The following RPS6KA5 variants were observed in gnomAD, a reference collection of about 807,000 sequenced individuals.
RPS6KA5 encodes the protein ribosomal protein S6 kinase A5.
A neutral mutation model predicts 85.5 loss-of-function variants in RPS6KA5; 27 were observed. The ratio of observed to expected loss-of-function variants is 0.32; its 90% CI spans 0.23 to 0.44. The LOEUF is 0.44. Among genes scored for constraint, RPS6KA5 ranks in the 20% least tolerant of loss-of-function variants. The pLI is 1.00. For synonymous variants in RPS6KA5, 334 were observed against 348.2 expected (o/e 0.96, Z 0.46); for missense variants, 811 against 980.9 (o/e 0.83, Z 2.31).
chr14:90,894,506 A>C lies in RPS6KA5; in HGVS notation c.1551T>G (p.Ser517Arg). Residue 517 changes from serine to arginine, a missense_variant, in exon 13 of 17, where the codon AGT (serine) becomes AGG (arginine). By Grantham distance (110) the Ser-to-Arg change is moderately radical. Transcript: ENST00000614987. The stretch of plus-strand genomic sequence containing the variant: ...TCATGATGTAGCTGGCTTCCGTCTC[A>C]CTGAAGTGCTTCTTTTTCTTAATGC... ...FERIKKKKHF[S>R]ETEASYIMRK... is the part of the protein sequence containing the mutation. 1 of 1,614,174 alleles carries C rather than the reference A, an allele frequency of 6.2e-7. No homozygotes were observed. Among genetic ancestry groups the C allele is most frequent in the Non-Finnish European group, 8.5e-7 (1 of 1,180,032 alleles).
At chr14:90,882,033 T>C (rs1333936610) in intron 14 of RPS6KA5, among the ~76,000 whole-genome samples, 2 of 152,252 alleles carry the variant, frequency 1.3e-5, no homozygotes, top group Non-Finnish European at 1.5e-5. Context: ...GTGTTTTCTA[T>C]ATGCTTGATA....
intron 1 of RPS6KA5, among the ~76,000 whole-genome samples, chr14:91,049,021 T>C (rs2042969739): frequency 6.6e-6 from 1 of 152,200 alleles, no homozygotes; most frequent in African/African-American, 2.4e-5. Context: ...GATACAGTAT[T>C]AGACTTAACA....
chr14:91,044,378 AAAGAAAGAAAGAAG>A, intron 1 of RPS6KA5, among the ~76,000 whole-genome samples: 1 of 16,876 alleles, frequency 5.9e-5, no homozygotes, highest in South Asian at 2.5e-3. Context: ...AGAAAGAAGG[AAAGAAAGAAAGAAG>A]GAAAGAAAGA....
At chr14:90,881,161 T>C (rs1250052135) in intron 14 of RPS6KA5, among the ~76,000 whole-genome samples, 1 of 151,780 alleles carries the variant, frequency 6.6e-6, no homozygotes, top group Non-Finnish European at 1.5e-5. Flanking sequence ...ATTTAAAGTC[T>C]ATTTTGTGGC....
At chr14:90,969,183 A>T (rs963789151) in intron 3 of RPS6KA5, among the ~76,000 whole-genome samples, 2 of 152,228 alleles carry the variant, frequency 1.3e-5, no homozygotes, top group Admixed American at 6.5e-5. Context: ...TTTGAACTGA[A>T]GATCTCTACA....
chr14:90,983,883 C>T (rs549320599), intron 2 of RPS6KA5, among the ~76,000 whole-genome samples: 9 of 151,012 alleles, frequency 6.0e-5, no homozygotes, highest in African/African-American at 2.0e-4. Context: ...CTTGCTCTGT[C>T]GCCCAGACCG....
intron 5 of RPS6KA5, among the ~76,000 whole-genome samples, chr14:90,934,631 C>T (rs2037165348): frequency 6.6e-6 from 1 of 152,118 alleles, no homozygotes; most frequent in Non-Finnish European, 1.5e-5. Context: ...CCTGCTTGTT[C>T]TGTGTTGTTA....
intron 8 of RPS6KA5, among the ~76,000 whole-genome samples, chr14:90,904,569 C>T (rs975978336): frequency 1.3e-5 from 2 of 152,216 alleles, no homozygotes; most frequent in Non-Finnish European, 1.5e-5. Flanking sequence ...ATTATAAGCA[C>T]ATAACTTGTG....
intron 14 of RPS6KA5, among the ~76,000 whole-genome samples, chr14:90,886,595 G>A (rs2140180469): frequency 6.6e-6 from 1 of 152,334 alleles, no homozygotes; most frequent in East Asian, 1.9e-4. Flanking sequence ...AGGAAAGGCT[G>A]TGTGCGGACA....
chr14:90,986,797 C>A (rs1017381757), intron 2 of RPS6KA5, among the ~76,000 whole-genome samples: 3 of 152,204 alleles, frequency 2.0e-5, no homozygotes, highest in Non-Finnish European at 2.9e-5. Context: ...GAAAGGCCTG[C>A]CTCTTTGCTC....
intron 2 of RPS6KA5, among the ~76,000 whole-genome samples, chr14:90,991,855 A>G (rs2040324053): frequency 6.6e-6 from 1 of 152,194 alleles, no homozygotes; most frequent in South Asian, 2.1e-4. Context: ...AAGAGAAGCA[A>G]GTCAATCTGA....
At position 90,978,369 on chromosome 14, in the gene RPS6KA5, A is replaced by T; in HGVS notation, c.331T>A (p.Ser111Thr). The T allele has an allele frequency of 6.2e-7, 1 of 1,613,126 alleles. No individual in the cohort carries two copies. Among genetic ancestry groups the T allele is most frequent in the African/African-American group, 1.3e-5 (1 of 75,028 alleles). ...ERQVLEHIRQ[S>T]PFLVTLHYAF... ...TAATGTAATGTTACCAAAAATGGCG[A>T]CTGCCTAATGTGTTCCAGGACTTGT... The change falls in exon 3 of 17, where the codon TCG (serine) becomes ACG (threonine). Residue 111 changes from serine (S) to threonine (T), a missense_variant. This residue lies in a region of RPS6KA5 where 48 missense variants were observed against 87.6 expected (regional missense o/e 0.55). Transcript: ENST00000614987.
chr14:90,925,823 C>G (rs2036627908), intron 5 of RPS6KA5, among the ~76,000 whole-genome samples: 1 of 149,674 alleles, frequency 6.7e-6, no homozygotes, highest in Admixed American at 6.7e-5. Context: ...TGCCTGTAGT[C>G]CCAGCTACTT....
At chr14:91,038,872 G>A (rs1339846294) in intron 1 of RPS6KA5, among the ~76,000 whole-genome samples, 1 of 152,144 alleles carries the variant, frequency 6.6e-6, no homozygotes, top group Non-Finnish European at 1.5e-5. Context: ...AAGGTATACA[G>A]CTCTTTCACC....
chr14:90,854,072 A>C lies in RPS6KA5; in HGVS notation c.*18002T>G, dbSNP rs2032152057. The stretch of plus-strand genomic sequence containing the variant: ...AACACACACCTATGTAATTTTCACA[A>C]GACCAAACTATTAAAGTACCTAGAA... On this transcript the variant is annotated 3_prime_UTR_variant, in exon 17 of 17. Transcript: ENST00000614987. 1 of 152,218 alleles carries C rather than the reference A, an allele frequency of 6.6e-6. No individual in the cohort carries two copies. Among genetic ancestry groups the C allele is most frequent in the Admixed American group, 6.5e-5 (1 of 15,284 alleles). The allele number at this position is 152,218 out of a possible 1,614,324, so 9.4% of individuals were successfully genotyped here.
chr14:90,914,309 GTTTTTTTTTT>G (rs10658805), intron 7 of RPS6KA5, among the ~76,000 whole-genome samples: 4 of 81,520 alleles, frequency 4.9e-5, no homozygotes, highest in South Asian at 5.3e-4. Flanking sequence ...GATCCCTAGG[GTTTTTTTTTT>G]TTTTTTTTTT....
At chr14:90,908,499 T>C (rs1221766421) in intron 7 of RPS6KA5, among the ~76,000 whole-genome samples, 2 of 152,092 alleles carry the variant, frequency 1.3e-5, no homozygotes, top group Non-Finnish European at 2.9e-5. Context: ...GTGGAAGGAA[T>C]ATCACTTAGG....
At chr14:91,055,761 T>A (rs1021126766) in intron 1 of RPS6KA5, among the ~76,000 whole-genome samples, 4 of 152,138 alleles carry the variant, frequency 2.6e-5, no homozygotes, top group African/African-American at 9.7e-5. Context: ...CCTGGATAGA[T>A]TCCGTCTCCA....
intron 1 of RPS6KA5, among the ~76,000 whole-genome samples, chr14:91,006,739 T>A (rs2041035992): frequency 6.6e-6 from 1 of 152,204 alleles, no homozygotes; most frequent in Non-Finnish European, 1.5e-5. Flanking sequence ...AACCTTTTTT[T>A]TTATTTTTTA....
Sources: gnomAD v4.1 joint callset for allele counts (sites outside exome capture counted in the v4.1 genomes callset) on GRCh38, gnomAD v4.1.1 for gene constraint, gnomAD v4.1.1 regional missense constraint, MANE v1.5 for transcripts, NCBI Gene and HGNC (gene_info 2026-07-23, HGNC 2026-07-21) for gene names.